Variants in ARSK observed in about 807,000 individuals in gnomAD.
ARSK encodes arylsulfatase K.
A neutral mutation model predicts 53.2 loss-of-function variants in ARSK; 37 were observed. The ratio of observed to expected loss-of-function variants is 0.70; its 90% confidence interval spans 0.54 to 0.92. ARSK has a LOEUF of 0.92. Ranked by LOEUF, ARSK falls within the 40% of genes least tolerant of loss-of-function variation. The pLI is 0.00. For synonymous variants in ARSK, 208 were observed against 223.2 expected (o/e 0.93, Z 0.61); for missense variants, 613 against 643.0 (o/e 0.95, Z 0.51).
At chr5:95,564,359 T>G (rs1748691404) in intron 1 of ARSK, among the ~76,000 whole-genome samples, 2 of 152,204 alleles carry the variant, frequency 1.3e-5, no homozygotes, top group Non-Finnish European at 2.9e-5. Context: ...TGATTACTCT[T>G]GCTAGAAGTG....
At position 95,558,852 on chromosome 5, in the gene ARSK, C is replaced by A. The variant is rs1409137934; in HGVS notation, c.126+3448C>A. ...GAGAGAACACTTCCAAACTATAAGA[C>A]CAGTTTGGCCGGGCGCGGTGGCTCA... On this transcript the variant is annotated intron_variant, in intron 1 of 7. Coordinates refer to ENST00000380009, the MANE Select transcript of ARSK (RefSeq NM_198150.3). Among the ~76,000 whole-genome samples the A allele has an allele frequency of 3.9e-5, 6 of 152,198 alleles. No homozygotes were observed. In the South Asian group the frequency reaches 1.2e-3, roughly 32 times the overall value.
At chr5:95,559,741 T>G (rs1414793378) in intron 1 of ARSK, among the ~76,000 whole-genome samples, 1 of 151,824 alleles carries the variant, frequency 6.6e-6, no homozygotes, top group African/African-American at 2.4e-5. Flanking sequence ...AACTTTACAC[T>G]GAATGGTTAA....
In ARSK at chr5:95,591,634, T is replaced by G; in HGVS notation, c.1096+9T>G. 1 of 1,608,630 alleles carries G rather than the reference T, an allele frequency of 6.2e-7. No individual in the cohort carries two copies. The highest frequency in any genetic ancestry group is 8.5e-7 in the Non-Finnish European group (1 of 1,175,032). ...TTACCCTACCATGCTTGGTAAGTAA[T>G]GTAGTTCTGTAAATATTTATTTGTA... On this transcript the variant is annotated intron_variant, in intron 6 of 7. Coordinates refer to ENST00000380009, the MANE Select transcript of ARSK (RefSeq NM_198150.3).
At chr5:95,590,384 G>A (rs1749191987) in intron 5 of ARSK, among the ~76,000 whole-genome samples, 1 of 152,176 alleles carries the variant, frequency 6.6e-6, no homozygotes, top group East Asian at 1.9e-4. Flanking sequence ...GTGGACAGGG[G>A]CATTGCTTGT....
At chr5:95,584,614 A>G (rs1270017940) in intron 4 of ARSK, among the ~76,000 whole-genome samples, 1 of 152,206 alleles carries the variant, frequency 6.6e-6, no homozygotes, top group Admixed American at 6.5e-5. Flanking sequence ...ACAACCACAG[A>G]GTTTGTGAGA....
intron 7 of ARSK, among the ~76,000 whole-genome samples, chr5:95,601,317 C>G (rs1370104302): frequency 6.6e-6 from 1 of 152,196 alleles, no homozygotes; most frequent in Non-Finnish European, 1.5e-5. Context: ...TTTCTCTGAT[C>G]AGGGCATCTT....
intron 2 of ARSK, among the ~76,000 whole-genome samples, chr5:95,566,404 C>T (rs529880892): frequency 2.6e-5 from 4 of 152,154 alleles, no homozygotes; most frequent in South Asian, 4.2e-4. Flanking sequence ...TTTGGCCATC[C>T]AAGAAAATGA....
At chr5:95,569,583 G>A (rs1748788442) in intron 3 of ARSK, among the ~76,000 whole-genome samples, 1 of 152,224 alleles carries the variant, frequency 6.6e-6, no homozygotes, top group African/African-American at 2.4e-5. Flanking sequence ...ATTGCCAGGA[G>A]TCACCATAAG....
intron 1 of ARSK, among the ~76,000 whole-genome samples, chr5:95,563,320 T>A (rs577880317): frequency 1.8e-4 from 28 of 152,350 alleles, no homozygotes; most frequent in Middle Eastern, 3.4e-3. Flanking sequence ...AAAAATACAC[T>A]GTTGAATTTT....
At chr5:95,566,890 T>C (rs1431520360) in intron 2 of ARSK, among the ~76,000 whole-genome samples, 1 of 152,218 alleles carries the variant, frequency 6.6e-6, no homozygotes, top group African/African-American at 2.4e-5. Context: ...CTTTCACCTA[T>C]ATTTTCAACA....
intron 3 of ARSK, among the ~76,000 whole-genome samples, chr5:95,570,706 A>G (rs1748813131): frequency 6.6e-6 from 1 of 152,226 alleles, no homozygotes; most frequent in Non-Finnish European, 1.5e-5. Context: ...GGCACAGATT[A>G]AGCATTTACT....
chr5:95,596,610 A>G (rs987473991), intron 6 of ARSK, among the ~76,000 whole-genome samples: 2 of 152,138 alleles, frequency 1.3e-5, no homozygotes, highest in Admixed American at 6.5e-5. Flanking sequence ...AAAAATATAT[A>G]TATATCTCAA....
At chr5:95,582,688 A>C (rs1159130601) in intron 3 of ARSK, among the ~76,000 whole-genome samples, 3 of 152,206 alleles carry the variant, frequency 2.0e-5, no homozygotes, top group Non-Finnish European at 4.4e-5. Flanking sequence ...AATCTTTCAT[A>C]GTTTTAAAGA....
rs765327286 is a variant in ARSK, at chr5:95,601,108, G to A, written c.1321+37G>A. ...AATATATTTTTAAGTGTAATATTAT[G>A]TGTAATGAACTGCCCTATGTAGCAT... is the stretch of plus-strand genomic sequence containing the variant. On this transcript the variant is annotated intron_variant, in intron 7 of 7. Transcript: ENST00000380009. The A allele has an allele frequency of 5.4e-5, 83 of 1,547,550 alleles. No individual in the cohort carries two copies. In the Admixed American group the frequency reaches 1.2e-3, roughly 23 times the overall value.
At chr5:95,569,653 C>T (rs1748791530) in intron 3 of ARSK, among the ~76,000 whole-genome samples, 1 of 152,220 alleles carries the variant, frequency 6.6e-6, no homozygotes, top group African/African-American at 2.4e-5. Flanking sequence ...TCTCTGCTGA[C>T]ACCTTGATTT....
rs530854818 is a variant in ARSK, at chr5:95,603,221, AT to A, written c.1322-8del. Reference sequence around the variant, plus strand: ...CAGGTCACTATTTTGACAGATACTTATTTTTTTTCTTTCAGATCTTTCCTCG... The same window carrying A: ...CAGGTCACTATTTTGACAGATACTTATTTTTTTCTTTCAGATCTTTCCTCG... On this transcript the variant is annotated splice_polypyrimidine_tract_variant and intron_variant, in intron 7 of 7. Transcript: ENST00000380009. 9.9e-5 allele frequency: 151 copies of A among 1,526,544 alleles called. No individual in the cohort carries two copies. In the African/African-American group the frequency reaches 1.3e-3, roughly 14 times the overall value. 94.6% of individuals were successfully genotyped at this position (1,526,544 alleles called of 1,614,324 possible).
intron 6 of ARSK, among the ~76,000 whole-genome samples, chr5:95,592,677 T>G (rs1454086393): frequency 6.6e-6 from 1 of 152,138 alleles, no homozygotes; most frequent in Non-Finnish European, 1.5e-5. Context: ...GCCTCCTGAG[T>G]AGCTGGGATT....
intron 1 of ARSK, chr5:95,556,997 G>C (rs1272054519): frequency 6.6e-6 from 1 of 150,462 alleles, no homozygotes; most frequent in African/African-American, 2.5e-5. Flanking sequence ...GCGACGGAGC[G>C]AGAGTCCGTC....
At chr5:95,592,917 T>C (rs1026846439) in intron 6 of ARSK, among the ~76,000 whole-genome samples, 1 of 152,202 alleles carries the variant, frequency 6.6e-6, no homozygotes, top group Non-Finnish European at 1.5e-5. Context: ...CCCAAAGTAA[T>C]GATCACACTC....
Sources: allele counts gnomAD v4.1 joint callset (sites outside exome capture counted in the v4.1 genomes callset), GRCh38; gene constraint gnomAD v4.1.1; transcripts MANE v1.5; gene names NCBI Gene and HGNC (gene_info 2026-07-23, HGNC 2026-07-21).